Variants in ABCC9 observed in about 807,000 individuals in gnomAD.
The protein encoded by ABCC9 is ATP-binding cassette sub-family C member 9.
In ABCC9, 95 loss-of-function variants were observed where a neutral mutation model predicts 188.3. The ratio of observed to expected loss-of-function variants is 0.50; its 90% confidence interval spans 0.43 to 0.60. The LOEUF is 0.60. Among genes scored for constraint, ABCC9 ranks in the 20% least tolerant of loss-of-function variants. The pLI, the probability that ABCC9 is intolerant of heterozygous loss-of-function variation, is 0.00. For missense variants in ABCC9, 1,102 were observed against 1,876.3 expected, an observed-to-expected ratio of 0.59 and a Z score of 7.62; for synonymous variants, 659 against 652.7, an observed-to-expected ratio of 1.01 and a Z score of -0.15.
At chr12:21,877,484 G>A (rs1037848465) in intron 16 of ABCC9, among the ~76,000 whole-genome samples, 2 of 152,156 alleles carry the variant, frequency 1.3e-5, no homozygotes, top group East Asian at 3.9e-4. Flanking sequence ...GGTGGCTGGG[G>A]CTGTCATTAT....
intron 39 of ABCC9, among the ~76,000 whole-genome samples, chr12:21,803,951 A>G (rs1349872560): frequency 6.6e-6 from 1 of 152,182 alleles, no homozygotes; most frequent in African/African-American, 2.4e-5. Flanking sequence ...GCTCTTAGGC[A>G]GGAAAGGAAA....
intron 5 of ABCC9, among the ~76,000 whole-genome samples, chr12:21,920,678 G>A (rs1256380529): frequency 6.6e-6 from 1 of 151,600 alleles, no homozygotes; most frequent in East Asian, 1.9e-4. Context: ...CCTAATTTTT[G>A]TACCCATTAA....
At chr12:21,848,690 T>C (rs907734972) in intron 24 of ABCC9, among the ~76,000 whole-genome samples, 5 of 152,192 alleles carry the variant, frequency 3.3e-5, no homozygotes, top group African/African-American at 9.7e-5. Context: ...TCCACTATTA[T>C]GAATTATTAA....
chr12:21,847,998 G>T (rs185051093), intron 25 of ABCC9, 152 bp downstream of exon 25: 103 of 659,836 alleles, frequency 1.6e-4, no homozygotes, highest in Admixed American at 6.9e-4. Context: ...ACCTTTCCTT[G>T]ACTCCTATTG....
chr12:21,857,455 A>G (rs1945282930), intron 22 of ABCC9, among the ~76,000 whole-genome samples: 1 of 152,152 alleles, frequency 6.6e-6, no homozygotes, highest in African/African-American at 2.4e-5. Flanking sequence ...TAACTTTCCA[A>G]TAATAAGAGC....
intron 22 of ABCC9, among the ~76,000 whole-genome samples, chr12:21,853,278 C>T (rs1311982652): frequency 6.6e-6 from 1 of 151,842 alleles, no homozygotes. Context: ...GGCAGTGAGC[C>T]GAGATTGCGC....
chr12:21,837,414 C>G (rs1015739722), intron 30 of ABCC9, among the ~76,000 whole-genome samples: 6 of 151,956 alleles, frequency 3.9e-5, no homozygotes, highest in African/African-American at 1.5e-4. Context: ...TATATACTTG[C>G]GATTAGGATT....
intron 21 of ABCC9, 54 bp downstream of exon 21, chr12:21,860,916 CA>C (rs1290879552): frequency 7.4e-7 from 1 of 1,347,342 alleles, no homozygotes; most frequent in African/African-American, 1.4e-5. Flanking sequence ...TAAAGACAAC[CA>C]GAAGACTTTT....
At chr12:21,827,014 C>T in intron 31 of ABCC9, 1 of 556,110 alleles carries the variant, frequency 1.8e-6, no homozygotes, top group Non-Finnish European at 2.3e-6. Context: ...CCTGTTCTGC[C>T]CTTCCTGTTT....
intron 13 of ABCC9, 51 bp from the exon 14 acceptor site, chr12:21,894,225 T>C: frequency 6.3e-7 from 1 of 1,598,690 alleles, no homozygotes; most frequent in Non-Finnish European, 8.6e-7. Context: ...GTGTCACACA[T>C]GCGTACATTC....
chr12:21,805,011 G>A, intron 39 of ABCC9: 2 of 405,672 alleles, frequency 4.9e-6, no homozygotes, highest in Non-Finnish European at 6.7e-6. Flanking sequence ...TAGTGAGCAT[G>A]ACAAAAGCAC....
chr12:21,817,060 A>C, intron 33 of ABCC9, 127 bp downstream of exon 33: 1 of 1,066,840 alleles, frequency 9.4e-7, no homozygotes, highest in South Asian at 1.4e-5. Context: ...AAGCAAAGCC[A>C]AGATATGAGA....
intron 31 of ABCC9, among the ~76,000 whole-genome samples, chr12:21,826,923 A>T (rs1943412658): frequency 6.6e-6 from 1 of 152,180 alleles, no homozygotes; most frequent in African/African-American, 2.4e-5. Flanking sequence ...ACTAGATTGC[A>T]AATCTTGGAA....
chr12:21,841,357 T>C lies in ABCC9; in HGVS notation c.3473+957A>G, dbSNP rs1336447608. 1.4e-3 allele frequency among the ~76,000 whole-genome samples: 185 copies of C among 129,610 alleles called. 18 individuals carry two copies. In the South Asian group the frequency reaches 0.048, roughly 33 times the overall value. The allele number at this position is 129,610 out of a possible 152,430, so 85.0% of individuals were successfully genotyped here. A position where few individuals can be genotyped will look rare whatever the true frequency, so the allele number is the denominator to read the frequency against. ...TATGTTTCTGGTTTCCTTTTTTTTT[T>C]TTTTTTTTTTTTTTTTTTTGAGACA... On this transcript the variant is annotated intron_variant, in intron 29 of 39. Coordinates refer to ENST00000261200, the MANE Select transcript of ABCC9 (RefSeq NM_020297.4).
Position 21,936,607 on chromosome 12 carries a change from G to C in ABCC9, c.68C>G (p.Ser23Cys). Reference protein sequence around the residue: ...YNINDGVLQNSCFVDALNLVP... With the variant: ...YNINDGVLQNCCFVDALNLVP... ...CAGGTTGAGGGCATCCACAAAGCAG[G>C]AATTTTGTAGTACACCATCGTTGAT... The change falls in exon 3 of 40, where the codon TCC becomes TGC. Residue 23 changes from serine (S) to cysteine (C), a missense_variant. Ser to Cys is a moderately radical substitution (Grantham distance 112). Coordinates refer to ENST00000261200, the MANE Select transcript of ABCC9 (RefSeq NM_020297.4). 6.2e-7 allele frequency: 1 copy of C among 1,611,938 alleles called. No homozygotes were observed. The highest frequency in any genetic ancestry group is 8.5e-7 in the Non-Finnish European group (1 of 1,178,256).
intron 16 of ABCC9, among the ~76,000 whole-genome samples, chr12:21,880,334 AAAGT>A (rs1220514020): frequency 1.3e-5 from 2 of 152,132 alleles, no homozygotes; most frequent in African/African-American, 4.8e-5. Flanking sequence ...CTGGGTAGGA[AAAGT>A]TTTCTTAAAT....
At chr12:21,818,526 A>ATATGTGTG (rs1212715273) in intron 31 of ABCC9, among the ~76,000 whole-genome samples, 1 of 136,442 alleles carries the variant, frequency 7.3e-6, no homozygotes, top group African/African-American at 2.8e-5. Flanking sequence ...ATATATATAT[A>ATATGTGTG]TGTGTGTGTG....
rs1035260926 is a variant in ABCC9, at chr12:21,878,825, G to A, written c.2020-3099C>T. Among the ~76,000 whole-genome samples the A allele has an allele frequency of 3.9e-5, 6 of 152,184 alleles. No individual in the cohort carries two copies. In the South Asian group the frequency reaches 1.0e-3, roughly 26 times the overall value. On this transcript the variant is annotated intron_variant, in intron 16 of 39. Transcript: ENST00000261200. ...TACAAGAAAGATAGAAGAGGAGGAA[G>A]GCTAAAGTTAATTTCTCCTGCTGCC...
At chr12:21,915,446 A>ATGTG (rs2137914731) in intron 7 of ABCC9, among the ~76,000 whole-genome samples, 1 of 107,508 alleles carries the variant, frequency 9.3e-6, no homozygotes, top group South Asian at 3.2e-4. Flanking sequence ...ATGTGTATAT[A>ATGTG]TGTATATATG....
Sources: allele counts gnomAD v4.1 joint callset (sites outside exome capture counted in the v4.1 genomes callset), GRCh38; gene constraint gnomAD v4.1.1; transcripts MANE v1.5; gene names NCBI Gene and HGNC (gene_info 2026-07-23, HGNC 2026-07-21).